The following EXOC4 variants were observed in gnomAD, a reference collection of about 807,000 sequenced individuals.
The protein encoded by EXOC4 is SEC8-like 1.
A neutral mutation model predicts 107.2 loss-of-function variants in EXOC4; 71 were observed. The ratio of observed to expected loss-of-function variants is 0.66; its 90% CI spans 0.55 to 0.81. The LOEUF is 0.81. EXOC4 is among the 30% of genes least tolerant of loss of function. The pLI is 0.00. For synonymous variants in EXOC4, 456 were observed against 441.2 expected, an observed-to-expected ratio of 1.03 and a Z score of -0.42; for missense variants, 1,108 against 1,189.6, an observed-to-expected ratio of 0.93 and a Z score of 1.01.
chr7:134,019,116 G>C (rs1315468190), intron 17 of EXOC4, among the ~76,000 whole-genome samples: 4 of 152,068 alleles, frequency 2.6e-5, no homozygotes, highest in African/African-American at 9.7e-5. Flanking sequence ...TTTTAGTAGA[G>C]ATGGGGTTTC....
chr7:133,390,065 G>A (rs1447685428), intron 7 of EXOC4, among the ~76,000 whole-genome samples: 1 of 152,118 alleles, frequency 6.6e-6, no homozygotes, highest in Non-Finnish European at 1.5e-5. Flanking sequence ...ATGAGATCTG[G>A]GTGGGGACAC....
intron 9 of EXOC4, among the ~76,000 whole-genome samples, chr7:133,539,594 G>A (rs1045845563): frequency 1.4e-5 from 2 of 147,680 alleles, no homozygotes; most frequent in African/African-American, 2.6e-5. Context: ...TCTGTGGGGT[G>A]GGGGGGTATA....
chr7:133,312,462 A>C (rs982261542), intron 4 of EXOC4, among the ~76,000 whole-genome samples: 2 of 152,146 alleles, frequency 1.3e-5, no homozygotes, highest in African/African-American at 4.8e-5. Context: ...GGGAATAGGG[A>C]GGTAGAAATT....
At chr7:133,895,541 C>T in intron 11 of EXOC4, 58 bp from the exon 12 acceptor site, 1 of 1,559,996 alleles carries the variant, frequency 6.4e-7, no homozygotes, top group Non-Finnish European at 8.8e-7. Context: ...GTTGTCCTTC[C>T]TTGTCCAACA....
intron 12 of EXOC4, among the ~76,000 whole-genome samples, chr7:133,915,036 GA>G (rs1214886793): frequency 6.6e-6 from 1 of 152,202 alleles, no homozygotes; most frequent in East Asian, 1.9e-4. Context: ...GAGGCAAATA[GA>G]AAATCTAGAA....
At chr7:133,981,113 TTC>T (rs1260738146) in intron 14 of EXOC4, among the ~76,000 whole-genome samples, 2 of 152,180 alleles carry the variant, frequency 1.3e-5, no homozygotes, top group Non-Finnish European at 2.9e-5. Flanking sequence ...AACTAGTTAA[TTC>T]TCTGTTTTTT....
At chr7:133,598,448 A>G (rs1801733068) in intron 9 of EXOC4, among the ~76,000 whole-genome samples, 1 of 152,226 alleles carries the variant, frequency 6.6e-6, no homozygotes, top group Admixed American at 6.5e-5. Flanking sequence ...CATAGCAGCC[A>G]CAAGTCACCT....
chr7:134,048,221 C>T (rs546243710), intron 17 of EXOC4, among the ~76,000 whole-genome samples: 5 of 152,262 alleles, frequency 3.3e-5, no homozygotes, highest in Admixed American at 6.5e-5. Flanking sequence ...ATGTTATCCC[C>T]GGGAGCAATT....
intron 12 of EXOC4, among the ~76,000 whole-genome samples, chr7:133,916,258 GA>G (rs1365498178): frequency 1.3e-5 from 2 of 152,224 alleles, no homozygotes; most frequent in Non-Finnish European, 2.9e-5. Context: ...GCAGGAGGTA[GA>G]GCTCAGGTAG....
In EXOC4 at chr7:133,889,123, G is replaced by GTGA. The variant is rs1270231930; in HGVS notation, c.1735-6475_1735-6474insGAT. On this transcript the variant is annotated intron_variant, in intron 11 of 17. Transcript: ENST00000253861. Reference sequence around the variant, plus strand: ...AAACTTTTAAAATAAATCATGGAAGGTTTTTTCTTTGTGCTGCCTGTCATA... The same window carrying GTGA: ...AAACTTTTAAAATAAATCATGGAAGGTGATTTTTTCTTTGTGCTGCCTGTCATA... Among the ~76,000 whole-genome samples, 7 of 152,102 alleles carry GTGA rather than the reference G, an allele frequency of 4.6e-5. No homozygotes were observed. The East Asian group carries it at 1.2e-3, about 25-fold the overall frequency.
chr7:134,040,313 T>C (rs968381076), intron 17 of EXOC4, among the ~76,000 whole-genome samples: 2 of 152,240 alleles, frequency 1.3e-5, no homozygotes, highest in African/African-American at 4.8e-5. Flanking sequence ...TCTTTCTTAA[T>C]TGGCCAGCAT....
chr7:133,542,648 G>A (rs1277470446), intron 9 of EXOC4, among the ~76,000 whole-genome samples: 1 of 151,964 alleles, frequency 6.6e-6, no homozygotes, highest in African/African-American at 2.4e-5. Context: ...ACTGAGGAGG[G>A]GAGAAGATCA....
At chr7:133,929,093 C>T (rs1473128885) in intron 13 of EXOC4, among the ~76,000 whole-genome samples, 1 of 151,908 alleles carries the variant, frequency 6.6e-6, no homozygotes, top group Admixed American at 6.6e-5. Flanking sequence ...CCGCCACACC[C>T]GGCTATTTTT....
At chr7:133,777,270 A>G (rs1184284674) in intron 10 of EXOC4, among the ~76,000 whole-genome samples, 2 of 2,650 alleles carry the variant, frequency 7.5e-4, no homozygotes, top group East Asian at 0.25. Flanking sequence ...TTAGTCTAAG[A>G]GAGAGAGAAA....
intron 11 of EXOC4, among the ~76,000 whole-genome samples, chr7:133,858,481 G>A (rs925789602): frequency 2.6e-5 from 4 of 152,282 alleles, no homozygotes; most frequent in African/African-American, 9.6e-5. Context: ...AGTTCTCACT[G>A]TGGGTAGTGG....
intron 3 of EXOC4, among the ~76,000 whole-genome samples, chr7:133,291,200 GT>G (rs1366567884): frequency 3.3e-5 from 5 of 151,774 alleles, no homozygotes. Flanking sequence ...TTTTCCGGAG[GT>G]TTTGTTTCGT....
At chr7:133,660,148 C>T (rs560091190) in intron 10 of EXOC4, among the ~76,000 whole-genome samples, 5 of 150,794 alleles carry the variant, frequency 3.3e-5, no homozygotes, top group South Asian at 2.1e-4. Flanking sequence ...AAGCTAAAAA[C>T]GGACTAGAAC....
intron 10 of EXOC4, among the ~76,000 whole-genome samples, chr7:133,669,010 T>C (rs2151055094): frequency 6.6e-6 from 1 of 150,464 alleles, no homozygotes; most frequent in Non-Finnish European, 1.5e-5. Context: ...CCCAATTTTT[T>C]TTTTTTTTTT....
In EXOC4 at chr7:133,559,343, C is replaced by T. The variant is rs191873418; in HGVS notation, c.1418-70702C>T. On this transcript the variant is annotated intron_variant, in intron 9 of 17. Transcript: ENST00000253861. ...TGGTTAAGCTTTCTCTACACTAATA[C>T]TGAAAACACACATTTTTCTAGACTT... Among the ~76,000 whole-genome samples the T allele has an allele frequency of 1.1e-3, 173 of 152,240 alleles. 1 individual carries two copies. Among genetic ancestry groups the T allele is most frequent in the African/African-American group, 3.9e-3 (164 of 41,576 alleles).
Sources: gnomAD v4.1 joint callset for allele counts (sites outside exome capture counted in the v4.1 genomes callset) on GRCh38, gnomAD v4.1.1 for gene constraint, MANE v1.5 for transcripts, NCBI Gene and HGNC (gene_info 2026-07-23, HGNC 2026-07-21) for gene names.